The following CDH3 variants were observed in gnomAD, a reference collection of about 807,000 sequenced individuals.
CDH3 encodes cadherin 3.
A neutral mutation model predicts 82.0 loss-of-function variants in CDH3; 54 were observed. That is an observed-to-expected ratio of 0.66 (90% CI 0.53 to 0.83). CDH3 has a LOEUF of 0.83. Among genes scored for constraint, CDH3 ranks in the 40% least tolerant of loss-of-function variants. CDH3 has a pLI of 0.00. For missense variants in CDH3, 1,054 were observed against 1,084.6 expected (o/e 0.97, Z 0.40); for synonymous variants, 446 against 437.9 (o/e 1.02, Z -0.23).
chr16:68,727,204 G>A (rs546261710), exon 3 of CDH3, among the ~76,000 whole-genome samples: 4 of 152,190 alleles, frequency 2.6e-5, no homozygotes, highest in South Asian at 2.1e-4. Flanking sequence ...AGGGTCTCTC[G>A]CCTTTTGACT....
chr16:68,677,312 G>A (rs1477394310), intron 3 of CDH3, among the ~76,000 whole-genome samples: 1 of 152,028 alleles, frequency 6.6e-6, no homozygotes, highest in Non-Finnish European at 1.5e-5. Context: ...TGACTATATG[G>A]TCTTATTTCC....
chr16:68,654,380 A>ATTTTTTTTTTTTTTTTTTTTT (rs1176713669), intron 2 of CDH3, among the ~76,000 whole-genome samples: 3 of 48,530 alleles, frequency 6.2e-5, no homozygotes, highest in Admixed American at 3.2e-4. Flanking sequence ...TTTTAAATTA[A>ATTTTTTTTTTTTTTTTTTTTT]TTTTTTTTTT....
chr16:68,725,029 G>C (rs549952918), intron 2 of CDH3, among the ~76,000 whole-genome samples: 1 of 152,096 alleles, frequency 6.6e-6, no homozygotes, highest in Non-Finnish European at 1.5e-5. Flanking sequence ...GCTTGGAAGC[G>C]GGGGACAGGA....
intron 1 of CDH3, among the ~76,000 whole-genome samples, chr16:68,715,794 C>T (rs772450714): frequency 1.3e-4 from 20 of 152,220 alleles, no homozygotes; most frequent in Non-Finnish European, 1.9e-4. Context: ...ACCAGGCCTG[C>T]TGCCAGATCC....
intron 2 of CDH3, among the ~76,000 whole-genome samples, chr16:68,669,523 C>T (rs957823011): frequency 1.3e-5 from 2 of 151,022 alleles, no homozygotes; most frequent in African/African-American, 2.4e-5. Flanking sequence ...GGAAATATGC[C>T]AGAAGACAGG....
intron 6 of CDH3, 88 bp from the exon 7 acceptor site, chr16:68,679,711 A>AAAG (rs1597807577): frequency 1.3e-6 from 1 of 779,504 alleles, no homozygotes; most frequent in East Asian, 3.1e-5. Context: ...AAAAAAAAAA[A>AAAG]AAAAAAAGAA....
intron 1 of CDH3, among the ~76,000 whole-genome samples, chr16:68,714,304 C>A (rs1265190816): frequency 6.6e-6 from 1 of 152,112 alleles, no homozygotes; most frequent in Non-Finnish European, 1.5e-5. Context: ...CACCCCAGCA[C>A]CAAGCACAGG....
chr16:68,689,553 A>G (rs1047849702), intron 12 of CDH3, among the ~76,000 whole-genome samples: 6 of 105,338 alleles, frequency 5.7e-5, no homozygotes, highest in Admixed American at 3.6e-4. Flanking sequence ...TTAAAAAAAA[A>G]AAAGAAAGAA....
chr16:68,661,436 G>A (rs1177749817), intron 2 of CDH3, among the ~76,000 whole-genome samples: 2 of 152,154 alleles, frequency 1.3e-5, no homozygotes, highest in Non-Finnish European at 2.9e-5. Flanking sequence ...TGTATGAAAC[G>A]GCATGTAGTG....
chr16:68,656,704 G>A (rs1344521686), intron 2 of CDH3, among the ~76,000 whole-genome samples: 1 of 152,200 alleles, frequency 6.6e-6, no homozygotes, highest in Admixed American at 6.5e-5. Context: ...GGGTGGGAAA[G>A]GGAAAGATAT....
chr16:68,647,041 C>T (rs1960094152), intron 2 of CDH3, among the ~76,000 whole-genome samples: 1 of 152,144 alleles, frequency 6.6e-6, no homozygotes, highest in Non-Finnish European at 1.5e-5. Context: ...CTAGGCTAGG[C>T]TCCTTAAACC....
intron 7 of CDH3, among the ~76,000 whole-genome samples, chr16:68,680,354 T>C (rs1201468550): frequency 6.6e-6 from 1 of 152,240 alleles, no homozygotes; most frequent in African/African-American, 2.4e-5. Flanking sequence ...TGTTTCCTAA[T>C]TGATACCTTT....
At chr16:68,685,995 G>A (rs1341801530) in intron 11 of CDH3, among the ~76,000 whole-genome samples, 1 of 152,118 alleles carries the variant, frequency 6.6e-6, no homozygotes, top group Non-Finnish European at 1.5e-5. Context: ...CAGAGACCCT[G>A]TCTCTACAAA....
downstream of CDH3, among the ~76,000 whole-genome samples, chr16:68,731,332 C>T (rs2152112448): frequency 9.2e-6 from 1 of 108,430 alleles, no homozygotes; most frequent in South Asian, 3.1e-4. Flanking sequence ...TGCACTCCAG[C>T]ACTCCAGCCT....
At chr16:68,659,579 C>CAA (rs548955678) in intron 2 of CDH3, among the ~76,000 whole-genome samples, 2 of 125,844 alleles carry the variant, frequency 1.6e-5, no homozygotes, top group African/African-American at 2.9e-5. Flanking sequence ...GATGCTGTCT[C>CAA]AAAAAAAAAA....
downstream of CDH3, among the ~76,000 whole-genome samples, chr16:68,730,278 G>A (rs1168578451): frequency 6.8e-6 from 1 of 147,760 alleles, no homozygotes; most frequent in Admixed American, 6.8e-5. Flanking sequence ...TGTAATCCCA[G>A]CACTTTGGGA....
At chr16:68,696,354 G>T in intron 15 of CDH3, 1 of 318,736 alleles carries the variant, frequency 3.1e-6, no homozygotes, top group Non-Finnish European at 6.1e-6. Context: ...GGAGGCAGAG[G>T]TTGCAGTGAG....
chr16:68,662,222 C>T (rs1374161357), intron 2 of CDH3, among the ~76,000 whole-genome samples: 3 of 152,068 alleles, frequency 2.0e-5, no homozygotes, highest in Non-Finnish European at 2.9e-5. Context: ...GTAGTGTGTG[C>T]AAAGGCCCTG....
chr16:68,670,388 C>G (rs548537077), intron 2 of CDH3, among the ~76,000 whole-genome samples: 1 of 152,086 alleles, frequency 6.6e-6, no homozygotes, highest in South Asian at 2.1e-4. Context: ...CCCCTCACCC[C>G]CAGCCCTAGT....
Sources: gnomAD v4.1 joint callset for allele counts (sites outside exome capture counted in the v4.1 genomes callset) on GRCh38, gnomAD v4.1.1 for gene constraint, MANE v1.5 for transcripts, NCBI Gene and HGNC (gene_info 2026-07-23, HGNC 2026-07-21) for gene names.